The following COMMD10 variants were observed in gnomAD, a reference collection of about 807,000 sequenced individuals.
COMMD10 encodes the protein COMM domain containing 10.
Under a neutral mutation model 28.9 loss-of-function variants are expected in COMMD10, and 33 were observed. The observed-to-expected ratio is 1.14, with a 90% CI of 0.87 to 1.53. The LOEUF is 1.53. Among genes scored for constraint, COMMD10 ranks in the 40% most tolerant of loss-of-function variants. The pLI, the probability that COMMD10 is intolerant of heterozygous loss-of-function variation, is 0.00. For missense variants in COMMD10, 310 were observed against 233.4 expected (o/e 1.33, Z -2.14); for synonymous variants, 110 against 81.7 (o/e 1.35, Z -1.87).
intron 5 of COMMD10, among the ~76,000 whole-genome samples, chr5:116,142,778 A>G (rs1252621309): frequency 6.6e-6 from 1 of 151,688 alleles, no homozygotes; most frequent in Non-Finnish European, 1.5e-5. Flanking sequence ...ATTTTGTTTT[A>G]TTATAGAACA....
At chr5:116,118,050 A>G (rs968598438) in intron 4 of COMMD10, among the ~76,000 whole-genome samples, 16 of 152,154 alleles carry the variant, frequency 1.1e-4, no homozygotes, top group African/African-American at 1.4e-4. Flanking sequence ...CACAACCTAC[A>G]TTGTTGACCA....
At chr5:116,127,961 A>G (rs1242302211) in intron 4 of COMMD10, among the ~76,000 whole-genome samples, 5 of 152,020 alleles carry the variant, frequency 3.3e-5, no homozygotes, top group African/African-American at 7.2e-5. Context: ...AACATAACAG[A>G]TTATCAGAGA....
chr5:116,118,604 T>A (rs1391568407), intron 4 of COMMD10, among the ~76,000 whole-genome samples: 2 of 152,224 alleles, frequency 1.3e-5, no homozygotes, highest in Non-Finnish European at 2.9e-5. Context: ...TCATTTTTGG[T>A]TGTACTTCAA....
intron 5 of COMMD10, among the ~76,000 whole-genome samples, chr5:116,179,063 C>A (rs1747853146): frequency 8.3e-6 from 1 of 120,734 alleles, no homozygotes; most frequent in African/African-American, 4.0e-5. Context: ...TTTTATGATT[C>A]CATAGGTAAA....
chr5:116,111,654 A>T (rs1751049861), intron 4 of COMMD10, among the ~76,000 whole-genome samples: 2 of 152,094 alleles, frequency 1.3e-5, no homozygotes. Flanking sequence ...GTATGATTTG[A>T]TTTTTAAAAA....
intron 4 of COMMD10, among the ~76,000 whole-genome samples, chr5:116,106,560 ATCTG>A (rs1750845612): frequency 6.6e-6 from 1 of 152,020 alleles, no homozygotes; most frequent in African/African-American, 2.4e-5. Context: ...TGTCTTTTTG[ATCTG>A]TCTAATATTG....
chr5:116,164,793 TA>T (rs1468795723), intron 5 of COMMD10, among the ~76,000 whole-genome samples: 5 of 152,126 alleles, frequency 3.3e-5, no homozygotes, highest in Non-Finnish European at 5.9e-5. Context: ...ATAATGTTCT[TA>T]GGGGGGTTGT....
intron 5 of COMMD10, among the ~76,000 whole-genome samples, chr5:116,177,277 GGAAA>G (rs1462922502): frequency 1.4e-5 from 2 of 147,534 alleles, no homozygotes; most frequent in South Asian, 2.1e-4. Flanking sequence ...TTTTGAGAAA[GGAAA>G]GAAAGAGACA....
chr5:116,264,525 T>G (rs1283905776), intron 5 of COMMD10, among the ~76,000 whole-genome samples: 1 of 151,804 alleles, frequency 6.6e-6, no homozygotes, highest in Admixed American at 6.6e-5. Flanking sequence ...CCTCTGTTAT[T>G]GGATGATGCG....
At position 116,116,119 on chromosome 5, in the gene COMMD10, T is replaced by A. The variant is rs189980854; in HGVS notation, c.400-17949T>A. On this transcript the variant is annotated intron_variant, in intron 4 of 6. Transcript: ENST00000274458. ...TTTTCTTACAGGTTCTTGAGAAATC[T>A]ACATGAAAAAATGGATAGACAATAG... is the stretch of plus-strand genomic sequence containing the variant. 1.2e-4 allele frequency among the ~76,000 whole-genome samples: 19 copies of A among 152,290 alleles called. No individual in the cohort carries two copies. The East Asian group carries it at 3.7e-3, about 29-fold the overall frequency.
intron 4 of COMMD10, among the ~76,000 whole-genome samples, chr5:116,103,046 T>A (rs974299000): frequency 1.4e-4 from 21 of 151,838 alleles, no homozygotes; most frequent in African/African-American, 4.8e-4. Context: ...ATGTGCCACA[T>A]TTTTTTTTAA....
At chr5:116,282,786 C>T (rs1407973016) in intron 5 of COMMD10, among the ~76,000 whole-genome samples, 1 of 151,830 alleles carries the variant, frequency 6.6e-6, no homozygotes, top group Non-Finnish European at 1.5e-5. Context: ...TTAGGGGCCA[C>T]CCTCATTGAC....
At chr5:116,117,712 C>T (rs191513574) in intron 4 of COMMD10, among the ~76,000 whole-genome samples, 164 of 152,164 alleles carry the variant, frequency 1.1e-3, no homozygotes, top group South Asian at 4.8e-3. Flanking sequence ...GTGATCTGCC[C>T]GCCTTGGCCT....
chr5:116,107,508 G>C (rs1272862275), intron 4 of COMMD10, among the ~76,000 whole-genome samples: 1 of 151,932 alleles, frequency 6.6e-6, no homozygotes, highest in African/African-American at 2.4e-5. Flanking sequence ...AAGTTCTCGT[G>C]CTGTGTTTTT....
At chr5:116,259,278 G>T (rs904944373) in intron 5 of COMMD10, among the ~76,000 whole-genome samples, 2 of 151,012 alleles carry the variant, frequency 1.3e-5, no homozygotes, top group African/African-American at 4.9e-5. Flanking sequence ...GGCCAGGCTG[G>T]TCTTAAAGGT....
Position 116,269,840 on chromosome 5 carries a change from G to A in COMMD10, c.511-21677G>A, listed in dbSNP as rs188720512. On this transcript the variant is annotated intron_variant, in intron 5 of 6. Transcript: ENST00000274458. ...TGCCAGTCTTACTTCTCTACCTTTT[G>A]TTAGAGGAATAAGGGATGAGGATGA... 5.5e-4 allele frequency among the ~76,000 whole-genome samples: 83 copies of A among 151,810 alleles called. 1 individual carries two copies. Among genetic ancestry groups the A allele is most frequent in the Middle Eastern group, 3.4e-3 (1 of 294 alleles).
intron 5 of COMMD10, among the ~76,000 whole-genome samples, chr5:116,206,467 A>G (rs567251408): frequency 6.6e-6 from 1 of 152,254 alleles, no homozygotes; most frequent in East Asian, 1.9e-4. Flanking sequence ...CCTGGCTAAC[A>G]TGGTGAAACC....
intron 5 of COMMD10, among the ~76,000 whole-genome samples, chr5:116,253,933 C>T (rs1332165877): frequency 2.0e-5 from 3 of 151,668 alleles, no homozygotes; most frequent in Non-Finnish European, 2.9e-5. Context: ...GTCCTGGACT[C>T]TTCTTGGTTG....
chr5:116,122,423 C>T (rs1013157464), intron 4 of COMMD10, among the ~76,000 whole-genome samples: 4 of 152,176 alleles, frequency 2.6e-5, no homozygotes, highest in Non-Finnish European at 4.4e-5. Flanking sequence ...CGTGATGCCT[C>T]CAGCTTTGTT....
Sources: allele counts gnomAD v4.1 joint callset (sites outside exome capture counted in the v4.1 genomes callset), GRCh38; gene constraint gnomAD v4.1.1; transcripts MANE v1.5; gene names NCBI Gene and HGNC (gene_info 2026-07-23, HGNC 2026-07-21).